The following TASP1 variants were observed in gnomAD, a reference collection of about 807,000 sequenced individuals.
TASP1 encodes the protein taspase 1.
TASP1 carries 16 observed loss-of-function variants against 56.6 expected under a neutral mutation model. That is an observed-to-expected ratio of 0.28 (90% CI 0.19 to 0.43). The LOEUF (loss-of-function observed/expected upper bound fraction) is 0.43, where lower values mean the gene tolerates loss of function less well. TASP1 is among the 20% of genes least tolerant of loss of function. The pLI, the probability that TASP1 is intolerant of heterozygous loss-of-function variation, is 1.00. For synonymous variants in TASP1, 179 were observed against 184.2 expected, an observed-to-expected ratio of 0.97 and a Z score of 0.23; for missense variants, 393 against 511.6, an observed-to-expected ratio of 0.77 and a Z score of 2.24.
At chr20:13,483,096 CT>C (rs2043195883) in intron 11 of TASP1, 130 bp downstream of exon 11, 1 of 565,576 alleles carries the variant, frequency 1.8e-6, no homozygotes, top group Admixed American at 3.6e-5. Flanking sequence ...TCAGTATTAA[CT>C]GTGGTTCTTT....
At chr20:13,507,873 A>G (rs2044187735) in intron 10 of TASP1, among the ~76,000 whole-genome samples, 1 of 152,218 alleles carries the variant, frequency 6.6e-6, no homozygotes, top group Admixed American at 6.5e-5. Context: ...CACTGGCATA[A>G]AAACAGAAAC....
chr20:13,247,548 G>T, the TASP1 span, among the ~76,000 whole-genome samples: 1 of 151,630 alleles, frequency 6.6e-6, no homozygotes. Context: ...GTGTGTGTGT[G>T]TGTGTGTGTG....
At chr20:13,224,059 G>A in the TASP1 span, among the ~76,000 whole-genome samples, 5 of 151,938 alleles carry the variant, frequency 3.3e-5, no homozygotes, top group African/African-American at 1.2e-4. Flanking sequence ...GCCCCAAGAG[G>A]ACACAACAAA....
chr20:13,150,623 C>T, the TASP1 span, among the ~76,000 whole-genome samples: 24 of 152,270 alleles, frequency 1.6e-4, no homozygotes, highest in African/African-American at 5.1e-4. Flanking sequence ...GCTATTTTGT[C>T]TCCCTTTCAG....
chr20:13,606,132 C>T (rs1010859805), intron 4 of TASP1, among the ~76,000 whole-genome samples: 1 of 94,936 alleles, frequency 1.1e-5, no homozygotes, highest in Non-Finnish European at 1.9e-5. Flanking sequence ...CATGTGTGTG[C>T]GTGCGTGTGT....
At chr20:13,608,977 A>T (rs1364679179) in intron 4 of TASP1, among the ~76,000 whole-genome samples, 1 of 152,252 alleles carries the variant, frequency 6.6e-6, no homozygotes, top group Non-Finnish European at 1.5e-5. Flanking sequence ...ATTAAAAAGA[A>T]AACTATAGCA....
downstream of TASP1, among the ~76,000 whole-genome samples, chr20:13,386,948 C>T (rs567457756): frequency 7.9e-5 from 12 of 152,160 alleles, no homozygotes; most frequent in South Asian, 2.3e-3. Context: ...GTTTGGTTTA[C>T]GGATAATTGT....
chr20:13,564,558 T>G (rs1383854995), intron 7 of TASP1, among the ~76,000 whole-genome samples: 3 of 142,448 alleles, frequency 2.1e-5, no homozygotes, highest in African/African-American at 8.6e-5. Flanking sequence ...CCAATAGTGT[T>G]TTTTTTTTTT....
chr20:13,257,776 T>G, the TASP1 span, among the ~76,000 whole-genome samples: 477 of 151,796 alleles, frequency 3.1e-3, 4 homozygotes, highest in African/African-American at 0.011. Context: ...GAGTTGAGAA[T>G]TAAATCCACA....
chr20:13,422,059 C>T (rs558027625), intron 12 of TASP1, among the ~76,000 whole-genome samples: 7 of 148,486 alleles, frequency 4.7e-5, no homozygotes, highest in South Asian at 4.3e-4. Flanking sequence ...TCACGCCATT[C>T]TCCTGCCTCA....
At chr20:13,576,369 GAAAGAAAGAAAGAAAGAAAGAA>G (rs2046922639) in intron 6 of TASP1, among the ~76,000 whole-genome samples, 4 of 121,670 alleles carry the variant, frequency 3.3e-5, no homozygotes, top group East Asian at 2.8e-4. Context: ...AAGAAAGAAA[GAAAGAAAGAAAGAAAGAAAGAA>G]AGAAAGTCAG....
intron 13 of TASP1, among the ~76,000 whole-genome samples, chr20:13,414,193 G>C (rs558423791): frequency 6.6e-6 from 1 of 151,996 alleles, no homozygotes; most frequent in African/African-American, 2.4e-5. Context: ...TGAAGAACAC[G>C]TTTCTTTCTT....
At chr20:13,160,213 G>T in the TASP1 span, 1 of 1,461,730 alleles carries the variant, frequency 6.8e-7, no homozygotes. Context: ...ACAGCTTGGG[G>T]TTCTCTGGGT....
At chr20:13,555,884 C>T (rs1054302779) in intron 8 of TASP1, among the ~76,000 whole-genome samples, 1 of 152,154 alleles carries the variant, frequency 6.6e-6, no homozygotes, top group Non-Finnish European at 1.5e-5. Context: ...CCTTGATTCA[C>T]AGCAAGCATA....
At chr20:13,489,744 C>A (rs1479540882) in intron 10 of TASP1, among the ~76,000 whole-genome samples, 1 of 152,104 alleles carries the variant, frequency 6.6e-6, no homozygotes, top group African/African-American at 2.4e-5. Context: ...AGGCTACATC[C>A]ATTCCTATCA....
chr20:13,153,932 C>T, the TASP1 span: 3 of 1,578,142 alleles, frequency 1.9e-6, no homozygotes, highest in African/African-American at 1.4e-5. Context: ...AAGATGCTTG[C>T]CAAGTTGACC....
intron 6 of TASP1, 69 bp from the exon 7 acceptor site, chr20:13,569,655 T>C (rs1231920625): frequency 1.3e-5 from 18 of 1,336,290 alleles, no homozygotes; most frequent in Non-Finnish European, 1.8e-5. Context: ...TAAATATAGG[T>C]AATATGGTAA....
At chr20:13,434,948 C>G (rs75251001) in intron 12 of TASP1, 96 bp downstream of exon 12, 10 of 791,290 alleles carry the variant, frequency 1.3e-5, no homozygotes, top group Non-Finnish European at 2.0e-5. Flanking sequence ...CTGACCCTCC[C>G]GCAGTTTAAA....
chr20:13,152,933 G>C, the TASP1 span, among the ~76,000 whole-genome samples: 8 of 152,180 alleles, frequency 5.3e-5, no homozygotes, highest in South Asian at 8.3e-4. Flanking sequence ...ACCCATGAGT[G>C]ATGTTCAAAA....
Sources: allele counts gnomAD v4.1 joint callset (sites outside exome capture counted in the v4.1 genomes callset), GRCh38; gene constraint gnomAD v4.1.1; transcripts MANE v1.5; gene names NCBI Gene and HGNC (gene_info 2026-07-23, HGNC 2026-07-21).